CHRM3: variants seen among roughly 807,000 people sequenced by gnomAD.
CHRM3 encodes the protein cholinergic receptor muscarinic 3, also known as muscarinic acetylcholine receptor M3.
Under a neutral mutation model 41.8 loss-of-function variants are expected in CHRM3, and 11 were observed. That is an observed-to-expected ratio of 0.26 (90% confidence interval 0.17 to 0.44). The LOEUF (loss-of-function observed/expected upper bound fraction) is 0.44, where lower values mean the gene tolerates loss of function less well. Ranked by LOEUF, CHRM3 falls within the 20% of genes least tolerant of loss-of-function variation. The pLI, the probability that CHRM3 is intolerant of heterozygous loss-of-function variation, is 1.00. For synonymous variants in CHRM3, 297 were observed against 301.4 expected (o/e 0.99, Z 0.15); for missense variants, 571 against 745.4 (o/e 0.77, Z 2.72).
chr1:239,521,316 A>G (rs1669623841), intron 2 of CHRM3, among the ~76,000 whole-genome samples: 1 of 152,080 alleles, frequency 6.6e-6, no homozygotes, highest in Admixed American at 6.5e-5. Context: ...GCTATTTTAG[A>G]CCTTTAGAGT....
At chr1:239,622,068 T>A (rs1668429834) in intron 3 of CHRM3, among the ~76,000 whole-genome samples, 1 of 152,180 alleles carries the variant, frequency 6.6e-6, no homozygotes, top group Non-Finnish European at 1.5e-5. Context: ...TTGCCTGTGC[T>A]CTATAAATGG....
intron 5 of CHRM3, among the ~76,000 whole-genome samples, chr1:239,818,549 C>T (rs557113635): frequency 2.0e-5 from 3 of 152,274 alleles, no homozygotes; most frequent in East Asian, 1.9e-4. Context: ...CTAAGAGCAC[C>T]GTAGCCCTGC....
At chr1:239,599,755 A>G (rs1361876206) in intron 3 of CHRM3, among the ~76,000 whole-genome samples, 1 of 152,224 alleles carries the variant, frequency 6.6e-6, no homozygotes, top group Non-Finnish European at 1.5e-5. Context: ...GGGCAAAGTC[A>G]TCTAACACAA....
intron 5 of CHRM3, among the ~76,000 whole-genome samples, chr1:239,767,878 G>T (rs1667347104): frequency 1.3e-5 from 2 of 152,044 alleles, no homozygotes; most frequent in Non-Finnish European, 1.5e-5. Context: ...TGAATCACCT[G>T]GGTATCTTGT....
At chr1:239,825,718 A>AT (rs566459945) in intron 5 of CHRM3, among the ~76,000 whole-genome samples, 145 of 151,662 alleles carry the variant, frequency 9.6e-4, no homozygotes, top group Non-Finnish European at 1.5e-3. Flanking sequence ...AATTCTTTTT[A>AT]TTTTTTTTTA....
chr1:239,669,939 A>G (rs905304097), intron 4 of CHRM3, among the ~76,000 whole-genome samples: 1 of 152,228 alleles, frequency 6.6e-6, no homozygotes, highest in Admixed American at 6.5e-5. Flanking sequence ...ATTATTTTAG[A>G]AACAAACACA....
At chr1:239,778,214 C>G (rs1315307667) in intron 5 of CHRM3, among the ~76,000 whole-genome samples, 1 of 152,156 alleles carries the variant, frequency 6.6e-6, no homozygotes, top group African/African-American at 2.4e-5. Flanking sequence ...TCCCTAAACT[C>G]AAAAGAATAT....
intron 6 of CHRM3, among the ~76,000 whole-genome samples, chr1:239,885,120 TA>T (rs1393247561): frequency 6.6e-6 from 1 of 152,106 alleles, no homozygotes; most frequent in African/African-American, 2.4e-5. Flanking sequence ...GCAGGTGCCT[TA>T]AAAGGAATAA....
At chr1:239,442,056 T>G (rs139974903) in intron 1 of CHRM3, among the ~76,000 whole-genome samples, 4 of 152,242 alleles carry the variant, frequency 2.6e-5, no homozygotes, top group South Asian at 2.1e-4. Flanking sequence ...TATGTATCTC[T>G]TCTCAAATGC....
chr1:239,526,601 C>A (rs143979275), intron 2 of CHRM3, among the ~76,000 whole-genome samples: 9 of 152,240 alleles, frequency 5.9e-5, no homozygotes, highest in African/African-American at 1.7e-4. Flanking sequence ...TGCTGTGATT[C>A]TTTTGCTTCT....
At chr1:239,721,710 T>C (rs1662985495) in intron 5 of CHRM3, among the ~76,000 whole-genome samples, 1 of 151,912 alleles carries the variant, frequency 6.6e-6, no homozygotes, top group Non-Finnish European at 1.5e-5. Context: ...GAATAGCCAA[T>C]AGGTATTATC....
intron 1 of CHRM3, among the ~76,000 whole-genome samples, chr1:239,429,536 G>A (rs915955923): frequency 2.0e-5 from 3 of 152,120 alleles, no homozygotes; most frequent in East Asian, 1.9e-4. Context: ...CTATAAAACC[G>A]GGATGTAATT....
intron 5 of CHRM3, among the ~76,000 whole-genome samples, chr1:239,788,996 G>A (rs1275333643): frequency 6.6e-6 from 1 of 152,002 alleles, no homozygotes; most frequent in Non-Finnish European, 1.5e-5. Flanking sequence ...CTTATATTTC[G>A]CTTGTGTAAG....
chr1:239,825,183 T>C (rs1434114331), intron 5 of CHRM3, among the ~76,000 whole-genome samples: 3 of 152,202 alleles, frequency 2.0e-5, no homozygotes, highest in Non-Finnish European at 2.9e-5. Context: ...CTGTGAAAAC[T>C]TTAAAATCAT....
chr1:239,513,888 T>C (rs1669086026), intron 2 of CHRM3, among the ~76,000 whole-genome samples: 1 of 152,240 alleles, frequency 6.6e-6, no homozygotes, highest in Admixed American at 6.5e-5. Context: ...GTTGAAGCGA[T>C]ATCTTTGTTC....
chr1:239,755,835 G>A (rs954809984), intron 5 of CHRM3, among the ~76,000 whole-genome samples: 1 of 152,116 alleles, frequency 6.6e-6, no homozygotes, highest in African/African-American at 2.4e-5. Context: ...GGAAAGTAGT[G>A]TTAATTATAA....
chr1:239,653,923 T>C (rs767135986), intron 4 of CHRM3, among the ~76,000 whole-genome samples: 19 of 152,318 alleles, frequency 1.2e-4, no homozygotes, highest in Non-Finnish European at 5.9e-5. Flanking sequence ...CAGCAAAGCT[T>C]GAAGCACATG....
intron 4 of CHRM3, among the ~76,000 whole-genome samples, chr1:239,670,773 C>T (rs1674283944): frequency 6.6e-6 from 1 of 151,418 alleles, no homozygotes; most frequent in Non-Finnish European, 1.5e-5. Context: ...GGTGATCTAC[C>T]CCCCCCACCT....
chr1:239,506,232 A>G (rs61834730), intron 2 of CHRM3, among the ~76,000 whole-genome samples: 1,912 of 152,240 alleles, frequency 0.013, 16 homozygotes, highest in Admixed American at 0.022. Flanking sequence ...AATGGGGAAA[A>G]TGTCTCCAGG....
Sources: allele counts gnomAD v4.1 joint callset (sites outside exome capture counted in the v4.1 genomes callset), GRCh38; gene constraint gnomAD v4.1.1; transcripts MANE v1.5; gene names NCBI Gene and HGNC (gene_info 2026-07-23, HGNC 2026-07-21).